HINFP: variants seen among roughly 807,000 people sequenced by gnomAD.
HINFP encodes the protein MBD2 (methyl-CpG-binding protein)-interacting zinc finger protein.
Under a neutral mutation model 50.1 loss-of-function variants are expected in HINFP, and 20 were observed. The ratio of observed to expected loss-of-function variants is 0.40; its 90% CI spans 0.28 to 0.58. The LOEUF (loss-of-function observed/expected upper bound fraction) is 0.58. Ranked by LOEUF, HINFP falls within the 20% of genes least tolerant of loss-of-function variation. The probability of loss-of-function intolerance (pLI) is 0.45; values close to 1 mark genes in which losing one functional copy is unlikely to be tolerated. For synonymous variants in HINFP, 247 were observed against 243.7 expected (o/e 1.01, Z -0.13); for missense variants, 505 against 664.1 (o/e 0.76, Z 2.63).
rs1947765787 is a variant in HINFP, at chr11:119,131,653, C to T, written c.523+7C>T. 6.2e-7 allele frequency: 1 copy of T among 1,610,626 alleles called. No homozygotes were observed. The highest frequency in any genetic ancestry group is 8.5e-7 in the Non-Finnish European group (1 of 1,176,984). On this transcript the variant is annotated splice_region_variant and intron_variant, in intron 4 of 9. Coordinates refer to ENST00000350777, the MANE Select transcript of HINFP (RefSeq NM_198971.3). This position sits in a 1 kb window ranked among gnomAD's most constrained non-coding sequence, Gnocchi z 4.2. Reference sequence around the variant, plus strand: ...GTGCTGTGTGGCTGGAAAGGTAGGGCTGCTTCTTAACTTGTGGCTTCTGGA... The same window carrying T: ...GTGCTGTGTGGCTGGAAAGGTAGGGTTGCTTCTTAACTTGTGGCTTCTGGA...
intron 2 of HINFP, among the ~76,000 whole-genome samples, chr11:119,127,729 A>G: frequency 6.6e-6 from 1 of 151,702 alleles, no homozygotes; most frequent in Non-Finnish European, 1.5e-5. Flanking sequence ...TTTTTTAGAG[A>G]CAGGATCTTG....
Position 119,131,037 on chromosome 11 carries a change from A to T in HINFP, c.411+83A>T, listed in dbSNP as rs917289255. ...GCCTTGTCCCTTTCAGGGATGCCTT[A>T]TATTTCCAAGATTCCTGCTAGTATC... is the stretch of plus-strand genomic sequence containing the variant. On this transcript the variant is annotated intron_variant, in intron 3 of 9. Coordinates refer to ENST00000350777, the MANE Select transcript of HINFP (RefSeq NM_198971.3). This position sits in a 1 kb window ranked among gnomAD's most constrained non-coding sequence, Gnocchi z 4.2. The T allele has an allele frequency of 3.6e-6, 4 of 1,116,472 alleles. No homozygotes were observed. Among genetic ancestry groups the T allele is most frequent in the Non-Finnish European group, 5.5e-6 (4 of 732,380 alleles). 69.2% of individuals were successfully genotyped at this position (1,116,472 alleles called of 1,614,324 possible). A position where few individuals can be genotyped will look rare whatever the true frequency, so the allele number is the denominator to read the frequency against.
intron 2 of HINFP, chr11:119,127,566 CA>C (rs1195166792): frequency 1.4e-5 from 2 of 147,122 alleles, no homozygotes; most frequent in Non-Finnish European, 2.9e-5. Context: ...TTTTTAGAGA[CA>C]GGGCTTCATC....
intron 1 of HINFP, chr11:119,126,122 G>A (rs1429343986): frequency 6.6e-6 from 1 of 152,216 alleles, no homozygotes; most frequent in African/African-American, 2.4e-5. Context: ...GGAAGCCAAG[G>A]TGGGTGGATC....
chr11:119,128,608 G>A (rs926715076), intron 2 of HINFP, among the ~76,000 whole-genome samples: 4 of 151,976 alleles, frequency 2.6e-5, no homozygotes, highest in Non-Finnish European at 4.4e-5. Context: ...GATTATAGAC[G>A]TGAGCCACCA....
Position 119,135,877 on chromosome 11 carries a change from A to G in HINFP, c.*1379A>G, listed in dbSNP as rs1948024468. 1 of 152,268 alleles carries G rather than the reference A, an allele frequency of 6.6e-6. No homozygotes were observed. Among genetic ancestry groups the G allele is most frequent in the African/African-American group, 2.4e-5 (1 of 41,538 alleles). The allele number at this position is 152,268 out of a possible 1,614,324, so 9.4% of individuals were successfully genotyped here. On this transcript the variant is annotated 3_prime_UTR_variant, in exon 10 of 10. Coordinates refer to ENST00000350777, the MANE Select transcript of HINFP (RefSeq NM_198971.3). ...CCCCGTCTCTACTAAAAATATAAAA[A>G]TCAGCTGGGCATGGTGGCACACATC...
intron 2 of HINFP, chr11:119,130,394 T>C: frequency 3.2e-6 from 1 of 313,992 alleles, no homozygotes; most frequent in Non-Finnish European, 6.1e-6. Flanking sequence ...AATGCTTTTA[T>C]AGCACCATGT....
rs1412560916 is a variant in HINFP at position 119,127,003 on chromosome 11, G to A, written c.59G>A (p.Gly20Glu). ...KENLWLQCEW[G>E]SCSFVCSTME... ...AATCTGTGGCTACAGTGTGAGTGGG[G>A]GTCCTGCTCCTTTGTGTGCTCAACC... The change falls in exon 2 of 10, where the codon GGG becomes GAG. Residue 20 changes from glycine to glutamate, a missense_variant. By Grantham distance (98) the Gly-to-Glu change is moderately conservative (BLOSUM62 -2). Coordinates refer to ENST00000350777, the MANE Select transcript of HINFP (RefSeq NM_198971.3). 3 of 1,613,990 alleles carry A rather than the reference G, an allele frequency of 1.9e-6. No individual in the cohort carries two copies. The highest frequency in any genetic ancestry group is 2.2e-5 in the East Asian group (1 of 44,890).
chr11:119,125,757 T>TA (rs1341856562), intron 1 of HINFP: 1 of 152,244 alleles, frequency 6.6e-6, no homozygotes, highest in African/African-American at 2.4e-5. Context: ...ACTACACAGA[T>TA]ACGGCTTTTT....
chr11:119,131,601 G>A lies in HINFP; in HGVS notation c.478G>A (p.Glu160Lys), dbSNP rs1176492523. ...AGCACACAGTCTGTGCTGTGAATAC[G>A]AAGCAGTCGGCAAGGACAACCCGGT... ...VEAHSLCCEY[E>K]AVGKDNPVVL... The change falls in exon 4 of 10, where the codon GAA becomes AAA. Residue 160 changes from glutamate to lysine, a missense_variant. Glu to Lys is a moderately conservative substitution (Grantham distance 56, BLOSUM62 1). Transcript: ENST00000350777. This position sits in a 1 kb window ranked among gnomAD's most constrained non-coding sequence, Gnocchi z 4.2. 41 of 1,614,162 alleles carry A rather than the reference G, an allele frequency of 2.5e-5. No homozygotes were observed. The highest frequency in any genetic ancestry group is 3.5e-5 in the Non-Finnish European group (41 of 1,180,012).
intron 9 of HINFP, 108 bp from the exon 10 acceptor site, chr11:119,133,976 T>A (rs658922): frequency 0.5 from 739,998 of 1,478,832 alleles, 193,315 homozygotes; most frequent in East Asian, 0.88. Flanking sequence ...GTCACTTGGA[T>A]TCCAGGACTT....
Position 119,133,123 on chromosome 11 carries a change from A to G in HINFP, c.1043A>G (p.His348Arg), listed in dbSNP as rs752276590. Residue 348 changes from histidine to arginine, a missense_variant, in exon 9 of 10, where the codon CAT becomes CGT. Coordinates refer to ENST00000350777, the MANE Select transcript of HINFP (RefSeq NM_198971.3). ...GACTCTGAGCCAAGGTACAAATGTC[A>G]TGTGTGTGACAAATGCTTCACACGG... ...EGDSEPRYKC[H>R]VCDKCFTRGN... is the part of the protein sequence containing the mutation. The G allele has an allele frequency of 6.2e-7, 1 of 1,612,490 alleles. No homozygotes were observed. Among genetic ancestry groups the G allele is most frequent in the East Asian group, 2.2e-5 (1 of 44,876 alleles).
Position 119,133,370 on chromosome 11 carries a change from G to A in HINFP, c.1139+151G>A, listed in dbSNP as rs1431797385. 7 of 879,756 alleles carry A rather than the reference G, an allele frequency of 8.0e-6. No individual in the cohort carries two copies. In the South Asian group the frequency reaches 1.1e-4, roughly 14 times the overall value. 54.5% of individuals were successfully genotyped at this position (879,756 alleles called of 1,614,324 possible). On this transcript the variant is annotated intron_variant, in intron 9 of 9. Coordinates refer to ENST00000350777, the MANE Select transcript of HINFP (RefSeq NM_198971.3). ...CCAAGGTGGGCGGATCATGAGGTCA[G>A]GAGTTCGAGACCAGCCTGGCCAACA...
At chr11:119,132,177 T>C (rs774934993) in intron 5 of HINFP, 195 bp downstream of exon 5, 43 of 637,632 alleles carry the variant, frequency 6.7e-5, no homozygotes, top group Middle Eastern at 4.1e-4. Flanking sequence ...CTGTACCTCG[T>C]ATCAGTTACT....
Position 119,131,882 on chromosome 11 carries a change from C to G in HINFP, c.576C>G (p.Ser192Arg). The G allele has an allele frequency of 6.2e-7, 1 of 1,614,192 alleles. No homozygotes were observed. ...DRSKLREHLR[S>R]HTQEKVVACP... ...GTAAACTTCGAGAGCACCTCCGCAGCCATACCCAGGAGAAAGTGGTAGCCT... is the reference window on the plus strand; with the variant it reads ...GTAAACTTCGAGAGCACCTCCGCAGGCATACCCAGGAGAAAGTGGTAGCCT... The change falls in exon 5 of 10, where the codon AGC becomes AGG. Residue 192 changes from serine (S) to arginine (R), a missense_variant. Coordinates refer to ENST00000350777, the MANE Select transcript of HINFP (RefSeq NM_198971.3). The surrounding 1 kb of genome is among the most constrained non-coding windows in gnomAD (Gnocchi z 4.2).
Position 119,130,738 on chromosome 11 carries a change from C to T in HINFP, c.195C>T (p.Ser65=). Residue 65 remains serine (S), a synonymous_variant, in exon 3 of 10, where the codon TCC becomes TCT. Transcript: ENST00000350777. ...EEDDPLEEEF[S]CLWQECGFCS... ...CCCTTTCTACAGAGGAAGAATTCTC[C>T]TGCTTGTGGCAGGAATGTGGCTTTT... is the stretch of plus-strand genomic sequence containing the variant. The T allele has an allele frequency of 2.5e-6, 4 of 1,614,190 alleles. No individual in the cohort carries two copies. Among genetic ancestry groups the T allele is most frequent in the Non-Finnish European group, 3.4e-6 (4 of 1,180,012 alleles).
intron 1 of HINFP, chr11:119,121,884 G>A (rs1232671744): frequency 1.3e-5 from 2 of 152,396 alleles, no homozygotes; most frequent in Admixed American, 1.3e-4. Flanking sequence ...TTTGCCCAAC[G>A]GGACGGTCTC....
Position 119,131,709 on chromosome 11 carries a change from C to G in HINFP, c.523+63C>G, listed in dbSNP as rs1947769347. 6 of 1,586,578 alleles carry G rather than the reference C, an allele frequency of 3.8e-6. No individual in the cohort carries two copies. In the Admixed American group the frequency reaches 1.0e-4, roughly 26 times the overall value. Reference sequence around the variant, plus strand: ...CGCTGGGGTTCCTGAAGAGCTGGGACAGAAAGGGATAGGGGTCCTACAGGG... The same window carrying G: ...CGCTGGGGTTCCTGAAGAGCTGGGAGAGAAAGGGATAGGGGTCCTACAGGG... On this transcript the variant is annotated intron_variant, in intron 4 of 9. Coordinates refer to ENST00000350777, the MANE Select transcript of HINFP (RefSeq NM_198971.3). The surrounding 1 kb of genome is among the most constrained non-coding windows in gnomAD (Gnocchi z 4.2).
At chr11:119,126,421 A>ATAAAATG (rs1947406859) in intron 1 of HINFP, 1 of 152,220 alleles carries the variant, frequency 6.6e-6, no homozygotes, top group Non-Finnish European at 1.5e-5. Flanking sequence ...CATAATGCAA[A>ATAAAATG]TAAAATGCTT....
Sources: gnomAD v4.1 joint callset for allele counts (sites outside exome capture counted in the v4.1 genomes callset) on GRCh38, gnomAD v4.1.1 for gene constraint, Gnocchi (gnomAD v3.1) non-coding constraint, MANE v1.5 for transcripts, NCBI Gene and HGNC (gene_info 2026-07-23, HGNC 2026-07-21) for gene names.